The following PSME4 variants were observed in gnomAD, a reference collection of about 807,000 sequenced individuals.
PSME4 encodes the protein proteasome activator subunit 4.
Under a neutral mutation model 253.9 loss-of-function variants are expected in PSME4, and 89 were observed. The observed-to-expected ratio is 0.35, with a 90% CI of 0.30 to 0.42. The LOEUF is 0.42. Among genes scored for constraint, PSME4 ranks in the 10% least tolerant of loss-of-function variants. The probability of loss-of-function intolerance (pLI) is 1.00; values close to 1 mark genes in which losing one functional copy is unlikely to be tolerated. For synonymous variants in PSME4, 851 were observed against 759.2 expected (o/e 1.12, Z -1.99); for missense variants, 2,014 against 2,195.2 (o/e 0.92, Z 1.65).
rs1264288979 is a variant in PSME4, at chr2:53,874,365, T to G, written c.5074A>C (p.Ser1692Arg). The G allele has an allele frequency of 1.2e-6, 2 of 1,613,690 alleles. No individual in the cohort carries two copies. The highest frequency in any genetic ancestry group is 1.6e-4 in the Middle Eastern group (1 of 6,062). Residue 1692 changes from serine to arginine, a missense_variant, in exon 43 of 47, where the codon AGT becomes CGT. By Grantham distance (110) the Ser-to-Arg change is moderately radical. Coordinates refer to ENST00000404125, the MANE Select transcript of PSME4 (RefSeq NM_014614.3). ...AVKDIRWLVI[S>R]LLEDEQLEVR... ...TCCAGTTGTTCGTCCTCCAAAAGAC[T>G]TATAACCAGCCACCTGATATCTTTA...
At chr2:53,872,978 C>T (rs936997536) in intron 43 of PSME4, among the ~76,000 whole-genome samples, 2 of 151,526 alleles carry the variant, frequency 1.3e-5, no homozygotes, top group Admixed American at 6.6e-5. Flanking sequence ...TGGTGGCTCA[C>T]GACTGTAATC....
chr2:53,908,929 G>A (rs1667694601), intron 21 of PSME4, 89 bp from the exon 22 acceptor site: 1 of 980,934 alleles, frequency 1.0e-6, no homozygotes, highest in East Asian at 2.5e-5. Flanking sequence ...GTCAAGGAGG[G>A]ATAAAGTATT....
chr2:53,908,888 C>T (rs1328597860), intron 21 of PSME4, 48 bp from the exon 22 acceptor site: 1 of 1,395,424 alleles, frequency 7.2e-7, no homozygotes, highest in African/African-American at 1.4e-5. Flanking sequence ...GAATGCTCCT[C>T]AGACTTTTAA....
At chr2:53,914,982 G>A (rs2104446515) in intron 20 of PSME4, among the ~76,000 whole-genome samples, 1 of 152,306 alleles carries the variant, frequency 6.6e-6, no homozygotes, top group East Asian at 1.9e-4. Flanking sequence ...TTATGCTTAG[G>A]ACTTGGCTTT....
At chr2:53,962,343 C>G (rs931919495) in intron 1 of PSME4, among the ~76,000 whole-genome samples, 3 of 149,854 alleles carry the variant, frequency 2.0e-5, no homozygotes, top group Admixed American at 6.6e-5. Context: ...TTCCCAGGTT[C>G]CATAAGAAAA....
At chr2:53,874,238 A>G in intron 43 of PSME4, 101 bp downstream of exon 43, 1 of 1,207,102 alleles carries the variant, frequency 8.3e-7, no homozygotes, top group Non-Finnish European at 1.2e-6. Flanking sequence ...GAGGTTATAA[A>G]TATAAACAAT....
chr2:53,965,526 A>AT (rs1401474929), intron 1 of PSME4, among the ~76,000 whole-genome samples: 1 of 149,442 alleles, frequency 6.7e-6, no homozygotes, highest in Non-Finnish European at 1.5e-5. Flanking sequence ...CATCCAAGTG[A>AT]TTTTTCCAGC....
At chr2:53,870,203 G>T (rs903826475) in intron 43 of PSME4, 2 of 152,152 alleles carry the variant, frequency 1.3e-5, no homozygotes, top group African/African-American at 4.8e-5. Flanking sequence ...CAGATGTTTT[G>T]CTCTGTTGTA....
chr2:53,926,672 A>G (rs1385968736), intron 12 of PSME4, among the ~76,000 whole-genome samples: 2 of 150,796 alleles, frequency 1.3e-5, no homozygotes, highest in Non-Finnish European at 3.0e-5. Flanking sequence ...CATGCTTGCA[A>G]TAAAGAAAAT....
At chr2:53,880,501 A>C (rs1679332770) in intron 41 of PSME4, among the ~76,000 whole-genome samples, 1 of 152,192 alleles carries the variant, frequency 6.6e-6, no homozygotes, top group Non-Finnish European at 1.5e-5. Flanking sequence ...AAATATGCTC[A>C]CATGTGCAAG....
chr2:53,901,934 G>C (rs1480863196), intron 27 of PSME4, among the ~76,000 whole-genome samples: 1 of 152,130 alleles, frequency 6.6e-6, no homozygotes, highest in Non-Finnish European at 1.5e-5. Context: ...GGGCATGGTG[G>C]CACACACCTG....
At chr2:53,936,633 G>A (rs1268454754) in intron 6 of PSME4, 131 bp downstream of exon 6, 2 of 599,374 alleles carry the variant, frequency 3.3e-6, no homozygotes, top group Non-Finnish European at 5.6e-6. Context: ...ATGGCTAACA[G>A]CCAATCCTAA....
intron 34 of PSME4, among the ~76,000 whole-genome samples, chr2:53,894,371 G>A (rs936143728): frequency 2.0e-5 from 3 of 151,934 alleles, no homozygotes; most frequent in Non-Finnish European, 2.9e-5. Flanking sequence ...TCCTCGGGTC[G>A]GGTAATTTTC....
Position 53,970,901 on chromosome 2 carries a change from C to A in PSME4, c.-117G>T. ...CCCTGCGGCCGCTGGCGGCCCGTCG[C>A]CCTCGGACCGATCGCTAGGCCCCCT... On this transcript the variant is annotated 5_prime_UTR_variant, in exon 1 of 47. Transcript: ENST00000404125. 1 of 861,472 alleles carries A rather than the reference C, an allele frequency of 1.2e-6. No individual in the cohort carries two copies. The highest frequency in any genetic ancestry group is 3.3e-5 in the East Asian group (1 of 30,746). 53.4% of individuals were successfully genotyped at this position (861,472 alleles called of 1,614,324 possible).
At chr2:53,953,601 CT>C (rs5831285) in intron 1 of PSME4, among the ~76,000 whole-genome samples, 1,888 of 142,214 alleles carry the variant, frequency 0.013, 34 homozygotes, top group African/African-American at 0.04. Context: ...AGCTGTTTGT[CT>C]TTTTTTTTTT....
At chr2:53,931,788 C>A (rs762522431) in intron 10 of PSME4, 47 bp downstream of exon 10, 1 of 1,596,586 alleles carries the variant, frequency 6.3e-7, no homozygotes, top group Non-Finnish European at 8.5e-7. Context: ...GCTGAACAGA[C>A]CAAAAGAAAA....
intron 29 of PSME4, 21 bp from the exon 30 acceptor site, chr2:53,898,375 A>C: frequency 6.5e-7 from 1 of 1,545,294 alleles, no homozygotes; most frequent in Non-Finnish European, 8.9e-7. Context: ...AAGGTGAGGT[A>C]TTATTTTACT....
intron 27 of PSME4, 84 bp from the exon 28 acceptor site, chr2:53,901,643 T>G: frequency 2.8e-6 from 3 of 1,066,854 alleles, no homozygotes; most frequent in Non-Finnish European, 4.0e-6. Context: ...TGTATTGGTT[T>G]TAAATGAGTA....
intron 37 of PSME4, 44 bp downstream of exon 37, chr2:53,890,060 T>C (rs749898868): frequency 9.2e-6 from 13 of 1,409,302 alleles, no homozygotes; most frequent in Non-Finnish European, 1.1e-5. Context: ...TATCAAACAG[T>C]TTGAATAGAT....
Sources: gnomAD v4.1 joint callset for allele counts (sites outside exome capture counted in the v4.1 genomes callset) on GRCh38, gnomAD v4.1.1 for gene constraint, MANE v1.5 for transcripts, NCBI Gene and HGNC (gene_info 2026-07-23, HGNC 2026-07-21) for gene names.